The following CTNND2 variants were observed in gnomAD, a reference collection of about 807,000 sequenced individuals.
The protein encoded by CTNND2 is catenin delta-2.
CTNND2 carries 22 observed loss-of-function variants against 144.4 expected under a neutral mutation model. The observed-to-expected ratio is 0.15, with a 90% confidence interval of 0.11 to 0.22. The LOEUF (loss-of-function observed/expected upper bound fraction) is 0.22. Ranked by LOEUF, CTNND2 falls within the 10% of genes least tolerant of loss-of-function variation. The probability of loss-of-function intolerance (pLI) is 1.00; values close to 1 mark genes in which losing one functional copy is unlikely to be tolerated. For missense variants in CTNND2, 1,353 were observed against 1,618.8 expected, an observed-to-expected ratio of 0.84 and a Z score of 2.82; for synonymous variants, 751 against 695.6, an observed-to-expected ratio of 1.08 and a Z score of -1.25.
chr5:11,898,196 C>A (rs1737555572), intron 1 of CTNND2, among the ~76,000 whole-genome samples: 1 of 152,204 alleles, frequency 6.6e-6, no homozygotes, highest in Non-Finnish European at 1.5e-5. Context: ...CTTCCAATAT[C>A]CCAACATGCT....
intron 1 of CTNND2, among the ~76,000 whole-genome samples, chr5:11,756,575 T>G (rs1026947378): frequency 6.6e-6 from 1 of 151,592 alleles, no homozygotes; most frequent in Non-Finnish European, 1.5e-5. Context: ...TCCATTTACA[T>G]ATATATGTAA....
intron 12 of CTNND2, among the ~76,000 whole-genome samples, chr5:11,131,437 G>T (rs1400547606): frequency 6.6e-6 from 1 of 152,120 alleles, no homozygotes; most frequent in Non-Finnish European, 1.5e-5. Flanking sequence ...CAGACTGTGG[G>T]CGTTAAGATT....
At chr5:11,081,955 G>A (rs910654575) in intron 16 of CTNND2, among the ~76,000 whole-genome samples, 45 of 152,296 alleles carry the variant, frequency 3.0e-4, no homozygotes, top group African/African-American at 1.0e-3. Flanking sequence ...TAAAATGGTA[G>A]ACTTTAAAGT....
chr5:11,164,066 G>A (rs749607786), intron 11 of CTNND2, among the ~76,000 whole-genome samples: 2 of 152,048 alleles, frequency 1.3e-5, no homozygotes, highest in African/African-American at 4.8e-5. Context: ...TGCCTGCATC[G>A]CATTCCTTGG....
chr5:11,370,567 A>G (rs1292335626), intron 7 of CTNND2, among the ~76,000 whole-genome samples: 1 of 152,238 alleles, frequency 6.6e-6, no homozygotes, highest in African/African-American at 2.4e-5. Flanking sequence ...AAACAGGTCC[A>G]TGCTGGATTT....
intron 14 of CTNND2, among the ~76,000 whole-genome samples, chr5:11,106,230 AG>A (rs985392060): frequency 2.0e-5 from 3 of 152,198 alleles, no homozygotes; most frequent in South Asian, 2.1e-4. Flanking sequence ...GAAGTGATTA[AG>A]GGGGTAGGTG....
intron 17 of CTNND2, among the ~76,000 whole-genome samples, chr5:11,019,923 T>G (rs931731679): frequency 6.6e-6 from 1 of 152,222 alleles, no homozygotes; most frequent in African/African-American, 2.4e-5. Flanking sequence ...CCATAATGTA[T>G]GTTTAAAATG....
At chr5:11,016,340 T>A (rs1031278961) in intron 18 of CTNND2, among the ~76,000 whole-genome samples, 2 of 152,216 alleles carry the variant, frequency 1.3e-5, no homozygotes, top group African/African-American at 4.8e-5. Flanking sequence ...TTTATAAAAC[T>A]TCAAGTGCAA....
intron 7 of CTNND2, among the ~76,000 whole-genome samples, chr5:11,368,968 A>C (rs963310487): frequency 6.6e-6 from 1 of 152,240 alleles, no homozygotes; most frequent in African/African-American, 2.4e-5. Context: ...GAATCAATAA[A>C]TTATGTCACC....
intron 12 of CTNND2, among the ~76,000 whole-genome samples, chr5:11,150,619 T>G (rs898431210): frequency 1.5e-4 from 5 of 34,436 alleles, no homozygotes; most frequent in African/African-American, 6.7e-4. Flanking sequence ...GCTGCCTTCT[T>G]TTTTTTTTTT....
At chr5:11,008,920 G>C (rs1436917006) in intron 18 of CTNND2, among the ~76,000 whole-genome samples, 1 of 152,146 alleles carries the variant, frequency 6.6e-6, no homozygotes, top group Non-Finnish European at 1.5e-5. Context: ...GGCATTAGCG[G>C]GGCAATACAG....
intron 13 of CTNND2, among the ~76,000 whole-genome samples, chr5:11,114,210 T>G (rs1412632968): frequency 5.3e-5 from 8 of 152,324 alleles, no homozygotes; most frequent in Non-Finnish European, 1.2e-4. Flanking sequence ...AATAAACTTC[T>G]TTCTCATCCC....
chr5:11,220,592 G>T (rs188747862), intron 10 of CTNND2, among the ~76,000 whole-genome samples: 4 of 152,142 alleles, frequency 2.6e-5, no homozygotes, highest in African/African-American at 7.2e-5. Context: ...CAGTAGCAAC[G>T]ATAATCCCCA....
chr5:11,712,997 C>T (rs1233891280), intron 2 of CTNND2, among the ~76,000 whole-genome samples: 3 of 152,060 alleles, frequency 2.0e-5, no homozygotes, highest in Non-Finnish European at 4.4e-5. Context: ...AAAGTTCGAG[C>T]CACATTCCTG....
Position 11,098,591 on chromosome 5 carries a change from G to A in CTNND2, c.2621C>T (p.Ala874Val). 1 of 1,613,868 alleles carries A rather than the reference G, an allele frequency of 6.2e-7. No homozygotes were observed. Among genetic ancestry groups the A allele is most frequent in the Non-Finnish European group, 8.5e-7 (1 of 1,179,938 alleles). ...TGGCCATACCTTCCAGCTCCCTGCA[G>A]CCAAGTTCTGCAGGGCGCCTGCCGC... ...EGAAGALQNL[A>V]AGSWKWSVYI... The change falls in exon 15 of 22, where the codon GCT becomes GTT. Residue 874 changes from alanine (A) to valine (V), a missense_variant. Coordinates refer to ENST00000304623, the MANE Select transcript of CTNND2 (RefSeq NM_001332.4).
chr5:11,852,920 T>G (rs1181970697), intron 1 of CTNND2, among the ~76,000 whole-genome samples: 1 of 152,212 alleles, frequency 6.6e-6, no homozygotes, highest in African/African-American at 2.4e-5. Context: ...ACTCTTTCTC[T>G]CTCCTTTGAC....
intron 1 of CTNND2, among the ~76,000 whole-genome samples, chr5:11,741,582 T>TG (rs1561752111): frequency 6.6e-6 from 1 of 151,206 alleles, no homozygotes; most frequent in Non-Finnish European, 1.5e-5. Flanking sequence ...GGCGTGGGGC[T>TG]GGGGGAGAGA....
At chr5:11,744,200 C>G (rs1444058037) in intron 1 of CTNND2, among the ~76,000 whole-genome samples, 1 of 152,190 alleles carries the variant, frequency 6.6e-6, no homozygotes, top group Admixed American at 6.5e-5. Context: ...ACACTAACAA[C>G]TTATCTGTCT....
At chr5:11,370,178 T>G (rs936129927) in intron 7 of CTNND2, among the ~76,000 whole-genome samples, 4 of 152,044 alleles carry the variant, frequency 2.6e-5, no homozygotes, top group African/African-American at 7.2e-5. Flanking sequence ...CTTGGGTTTT[T>G]TTTTTTTTTT....
Sources: gnomAD v4.1 joint callset for allele counts (sites outside exome capture counted in the v4.1 genomes callset) on GRCh38, gnomAD v4.1.1 for gene constraint, MANE v1.5 for transcripts, NCBI Gene and HGNC (gene_info 2026-07-23, HGNC 2026-07-21) for gene names.